The following PDE10A variants were observed in gnomAD, a reference collection of about 807,000 sequenced individuals.
The protein encoded by PDE10A is phosphodiesterase 10A, also known as cAMP and cAMP-inhibited cGMP 3',5'-cyclic phosphodiesterase 10A.
In PDE10A, 39 loss-of-function variants were observed where a neutral mutation model predicts 97.7. That is an observed-to-expected ratio of 0.40 (90% confidence interval 0.31 to 0.52). The LOEUF (loss-of-function observed/expected upper bound fraction) is 0.52, where lower values mean the gene tolerates loss of function less well. Ranked by LOEUF, PDE10A falls within the 20% of genes least tolerant of loss-of-function variation. PDE10A has a pLI of 0.56. For synonymous variants in PDE10A, 371 were observed against 376.8 expected (o/e 0.98, Z 0.18); for missense variants, 731 against 1,047.8 (o/e 0.70, Z 4.17).
At chr6:165,455,046 GC>G (rs1294667183) in intron 3 of PDE10A, among the ~76,000 whole-genome samples, 1 of 152,112 alleles carries the variant, frequency 6.6e-6, no homozygotes, top group Admixed American at 6.5e-5. Flanking sequence ...AAAGAGGTCG[GC>G]AGCCATTTGC....
chr6:165,367,787 C>T (rs1430179631), intron 18 of PDE10A, among the ~76,000 whole-genome samples: 1 of 144,550 alleles, frequency 6.9e-6, no homozygotes, highest in Non-Finnish European at 1.5e-5. Context: ...CACAATAAAG[C>T]CATTCTTAGA....
At chr6:165,706,391 CG>C (rs1300621878) in intron 1 of PDE10A, among the ~76,000 whole-genome samples, 4 of 152,100 alleles carry the variant, frequency 2.6e-5, no homozygotes, top group Admixed American at 2.6e-4. Flanking sequence ...CAGAAACATT[CG>C]GGTTGCTAGA....
chr6:165,816,364 C>G (rs1362249318), intron 1 of PDE10A, among the ~76,000 whole-genome samples: 1 of 152,248 alleles, frequency 6.6e-6, no homozygotes, highest in East Asian at 1.9e-4. Flanking sequence ...CATCCTCACT[C>G]TGCTAGTTCC....
chr6:165,630,366 A>G (rs1417935347), intron 1 of PDE10A, among the ~76,000 whole-genome samples: 1 of 152,094 alleles, frequency 6.6e-6, no homozygotes, highest in African/African-American at 2.4e-5. Context: ...CAAACAAAAA[A>G]CTGTATATAG....
intron 5 of PDE10A, among the ~76,000 whole-genome samples, chr6:165,441,223 A>C (rs943765590): frequency 6.6e-6 from 1 of 152,142 alleles, no homozygotes; most frequent in African/African-American, 2.4e-5. Context: ...ATCTGTTTTT[A>C]TGTGCTGCAG....
chr6:165,549,424 A>T (rs1271947707), intron 1 of PDE10A, among the ~76,000 whole-genome samples: 1 of 152,126 alleles, frequency 6.6e-6, no homozygotes, highest in Non-Finnish European at 1.5e-5. Context: ...TCCTGGGTTT[A>T]AGGGAGTCTC....
intron 1 of PDE10A, among the ~76,000 whole-genome samples, chr6:165,690,052 T>C (rs6913758): frequency 0.91 from 138,468 of 152,226 alleles, 63,254 homozygotes; most frequent in African/African-American, 0.98. Context: ...AACTATAGAA[T>C]ATCGAGTGTC....
chr6:165,932,490 C>A lies in PDE10A; in HGVS notation c.-615+55039G>T, dbSNP rs1325998239. Among the ~76,000 whole-genome samples, 12 of 152,182 alleles carry A rather than the reference C, an allele frequency of 7.9e-5. No individual in the cohort carries two copies. The East Asian group carries it at 2.3e-3, about 29-fold the overall frequency. ...AGCTGGGATTACAGCCATGCACCAC[C>A]ATGCCTAGCTAATTTTTGTATTTTT... On this transcript the variant is annotated intron_variant, in intron 1 of 19. Transcript: ENST00000366882.
chr6:165,718,578 C>T (rs1046120219), intron 1 of PDE10A, among the ~76,000 whole-genome samples: 6 of 152,036 alleles, frequency 3.9e-5, no homozygotes, highest in Non-Finnish European at 8.8e-5. Context: ...CACTGATTGC[C>T]CCAACCTCCC....
At chr6:165,822,071 T>C (rs1350176525) in intron 1 of PDE10A, among the ~76,000 whole-genome samples, 1 of 152,240 alleles carries the variant, frequency 6.6e-6, no homozygotes, top group African/African-American at 2.4e-5. Flanking sequence ...ACACTTTTCC[T>C]GTTAATCTCA....
intron 1 of PDE10A, among the ~76,000 whole-genome samples, chr6:165,865,227 A>G (rs1781008168): frequency 6.6e-6 from 1 of 152,242 alleles, no homozygotes; most frequent in South Asian, 2.1e-4. Flanking sequence ...AGACTACTCT[A>G]CTGTGCTCAC....
chr6:165,499,237 G>A (rs1009224029), intron 2 of PDE10A, among the ~76,000 whole-genome samples: 1 of 152,184 alleles, frequency 6.6e-6, no homozygotes, highest in African/African-American at 2.4e-5. Context: ...CAGCAGAGGA[G>A]GAGGTTGTTT....
At chr6:165,512,315 G>A (rs1255118120) in intron 2 of PDE10A, among the ~76,000 whole-genome samples, 1 of 151,714 alleles carries the variant, frequency 6.6e-6, no homozygotes, top group Non-Finnish European at 1.5e-5. Flanking sequence ...CTCAGCTTTT[G>A]CTTGTCTTTG....
intron 12 of PDE10A, 116 bp from the exon 13 acceptor site, chr6:165,413,803 A>G: frequency 1.4e-6 from 1 of 715,372 alleles, no homozygotes; most frequent in East Asian, 2.7e-5. Context: ...CTTCTATTGC[A>G]TATGACTAAT....
At chr6:165,542,060 T>C (rs1316283521) in intron 2 of PDE10A, among the ~76,000 whole-genome samples, 1 of 152,210 alleles carries the variant, frequency 6.6e-6, no homozygotes, top group Non-Finnish European at 1.5e-5. Flanking sequence ...TTTTAGAACT[T>C]TAAGATAACA....
chr6:165,661,667 C>G lies in PDE10A; in HGVS notation c.865+280G>C, dbSNP rs1790271336. On this transcript the variant is annotated intron_variant, in intron 1 of 21. Transcript: ENST00000539869. The surrounding 1 kb of genome is among the most constrained non-coding windows in gnomAD (Gnocchi z 4.8). ...GGGCGGAGAAGGAGGCGGCAGGTCC[C>G]GCTCGCAACGTCCAAGCTCCCGCCG... The G allele has an allele frequency of 2.4e-6, 1 of 413,162 alleles. No individual in the cohort carries two copies. Among genetic ancestry groups the G allele is most frequent in the Admixed American group, 4.7e-5 (1 of 21,224 alleles). 25.6% of individuals were successfully genotyped at this position (413,162 alleles called of 1,614,324 possible).
intron 1 of PDE10A, among the ~76,000 whole-genome samples, chr6:165,620,379 A>G (rs1339953588): frequency 2.6e-5 from 4 of 152,160 alleles, no homozygotes; most frequent in African/African-American, 9.7e-5. Flanking sequence ...TCTGAGTAAA[A>G]TATCTTGAGA....
intron 17 of PDE10A, among the ~76,000 whole-genome samples, chr6:165,386,740 C>T (rs1050135948): frequency 1.3e-5 from 2 of 151,872 alleles, no homozygotes; most frequent in African/African-American, 4.8e-5. Flanking sequence ...CGGTGGCTCA[C>T]GCCTGTAATC....
chr6:165,680,651 C>T (rs748153958), intron 1 of PDE10A, among the ~76,000 whole-genome samples: 1 of 152,220 alleles, frequency 6.6e-6, no homozygotes, highest in African/African-American at 2.4e-5. Context: ...GGTCTGTAAT[C>T]CCAGCACTTT....
Sources: gnomAD v4.1 joint callset for allele counts (sites outside exome capture counted in the v4.1 genomes callset) on GRCh38, gnomAD v4.1.1 for gene constraint, Gnocchi (gnomAD v3.1) non-coding constraint, MANE v1.5 for transcripts, NCBI Gene and HGNC (gene_info 2026-07-23, HGNC 2026-07-21) for gene names.